Variants in CADM2 observed in about 807,000 individuals in gnomAD.
CADM2 encodes immunoglobulin superfamily member 4D.
A neutral mutation model predicts 49.8 loss-of-function variants in CADM2; 12 were observed. The observed-to-expected ratio is 0.24, with a 90% CI of 0.15 to 0.39. The LOEUF (loss-of-function observed/expected upper bound fraction) is 0.39. Ranked by LOEUF, CADM2 falls within the 10% of genes least tolerant of loss-of-function variation. The pLI is 1.00. For missense variants in CADM2, 378 were observed against 492.3 expected (o/e 0.77, Z 2.20); for synonymous variants, 214 against 175.4 (o/e 1.22, Z -1.74).
chr3:85,278,729 T>C (rs956964582), intron 1 of CADM2, among the ~76,000 whole-genome samples: 3 of 96,994 alleles, frequency 3.1e-5, no homozygotes, highest in African/African-American at 1.4e-4. Flanking sequence ...TGTGTGTGTG[T>C]GTGTGTGTGT....
At chr3:85,259,838 A>G (rs755225755) in intron 1 of CADM2, among the ~76,000 whole-genome samples, 2 of 152,124 alleles carry the variant, frequency 1.3e-5, no homozygotes, top group Admixed American at 6.6e-5. Context: ...TGGGTCTAAC[A>G]TAAGATGGAA....
At chr3:85,314,081 A>G (rs575546179) in intron 1 of CADM2, among the ~76,000 whole-genome samples, 83 of 152,008 alleles carry the variant, frequency 5.5e-4, no homozygotes, top group Non-Finnish European at 9.7e-4. Flanking sequence ...GTAGAGACGG[A>G]GTTTCACCGT....
At chr3:85,028,608 G>A (rs1314386826) in intron 1 of CADM2, among the ~76,000 whole-genome samples, 2 of 152,014 alleles carry the variant, frequency 1.3e-5, no homozygotes, top group Non-Finnish European at 2.9e-5. Context: ...CTCTGTTAAT[G>A]CAGGGAAAAT....
chr3:85,039,645 A>G (rs1024094956), intron 1 of CADM2, among the ~76,000 whole-genome samples: 3 of 152,186 alleles, frequency 2.0e-5, no homozygotes, highest in Non-Finnish European at 2.9e-5. Context: ...AGTCCCATGT[A>G]TACTATCTAT....
At chr3:85,337,215 C>A (rs1037548476) in intron 1 of CADM2, among the ~76,000 whole-genome samples, 1 of 150,214 alleles carries the variant, frequency 6.7e-6, no homozygotes, top group African/African-American at 2.4e-5. Context: ...CTTTAAACTC[C>A]AACTGAACCA....
At chr3:86,023,229 T>A (rs991688918) in intron 8 of CADM2, among the ~76,000 whole-genome samples, 10 of 152,224 alleles carry the variant, frequency 6.6e-5, no homozygotes, top group African/African-American at 2.2e-4. Flanking sequence ...TAAACAAATG[T>A]AACACAAGTA....
At chr3:84,980,697 G>A (rs940735936) in intron 1 of CADM2, among the ~76,000 whole-genome samples, 32 of 152,242 alleles carry the variant, frequency 2.1e-4, no homozygotes, top group African/African-American at 7.0e-4. Flanking sequence ...TCTTTGCTGC[G>A]TGACTTTAAA....
intron 6 of CADM2, among the ~76,000 whole-genome samples, chr3:85,913,677 C>T (rs951515162): frequency 6.6e-6 from 1 of 152,110 alleles, no homozygotes; most frequent in Non-Finnish European, 1.5e-5. Context: ...CACCAACAAA[C>T]TTCATTTCTC....
intron 1 of CADM2, among the ~76,000 whole-genome samples, chr3:85,150,711 T>A (rs1009867144): frequency 6.6e-6 from 1 of 151,242 alleles, no homozygotes; most frequent in African/African-American, 2.4e-5. Context: ...AAGAGCAGCC[T>A]GGCCAACATA....
intron 1 of CADM2, among the ~76,000 whole-genome samples, chr3:85,061,963 A>G (rs138577127): frequency 7.4e-4 from 113 of 151,678 alleles, no homozygotes; most frequent in Non-Finnish European, 5.9e-5. Context: ...ATTTCAAGAA[A>G]TATCAGTATC....
chr3:85,856,295 T>C (rs1044229064), intron 3 of CADM2, among the ~76,000 whole-genome samples: 1 of 152,202 alleles, frequency 6.6e-6, no homozygotes, highest in African/African-American at 2.4e-5. Context: ...CTATTTTATC[T>C]CTATTTAAGT....
intron 1 of CADM2, among the ~76,000 whole-genome samples, chr3:85,483,027 C>T (rs1183246292): frequency 6.6e-6 from 1 of 151,504 alleles, no homozygotes; most frequent in Non-Finnish European, 1.5e-5. Flanking sequence ...GACTAAAAAA[C>T]ACCCATAAAA....
At chr3:85,718,975 C>A (rs1210497366) in intron 1 of CADM2, among the ~76,000 whole-genome samples, 1 of 150,744 alleles carries the variant, frequency 6.6e-6, no homozygotes, top group Non-Finnish European at 1.5e-5. Context: ...TGCAGTGGCA[C>A]AATCTCAGTT....
chr3:85,395,797 C>T (rs953040255), intron 1 of CADM2, among the ~76,000 whole-genome samples: 2 of 151,704 alleles, frequency 1.3e-5, no homozygotes, highest in Non-Finnish European at 2.9e-5. Context: ...TTCTTGAGAA[C>T]TTTTAGAATT....
chr3:86,061,260 C>T (rs1235763676), intron 8 of CADM2, among the ~76,000 whole-genome samples: 1 of 151,590 alleles, frequency 6.6e-6, no homozygotes, highest in Non-Finnish European at 1.5e-5. Context: ...TTGATTCTTC[C>T]AAAATTTTTC....
intron 8 of CADM2, among the ~76,000 whole-genome samples, chr3:85,984,389 A>G (rs895675218): frequency 6.6e-6 from 1 of 151,572 alleles, no homozygotes; most frequent in Admixed American, 6.6e-5. Flanking sequence ...ATAATAAACC[A>G]TGTCATAATC....
chr3:84,989,132 G>T (rs1456588011), intron 1 of CADM2, among the ~76,000 whole-genome samples: 1 of 152,158 alleles, frequency 6.6e-6, no homozygotes, highest in Non-Finnish European at 1.5e-5. Context: ...ATATGAAAAA[G>T]AAGTGGGTGA....
At chr3:85,465,148 TCAAAACAAAA>T (rs72175865) in intron 1 of CADM2, among the ~76,000 whole-genome samples, 2 of 152,054 alleles carry the variant, frequency 1.3e-5, no homozygotes, top group Non-Finnish European at 2.9e-5. Context: ...AGACTCTGTC[TCAAAACAAAA>T]CAAAACAAAA....
At chr3:85,702,044 C>T (rs2066794645) in intron 1 of CADM2, among the ~76,000 whole-genome samples, 1 of 151,858 alleles carries the variant, frequency 6.6e-6, no homozygotes, top group African/African-American at 2.4e-5. Context: ...GATAGAAAAT[C>T]TTATCTCTAA....
Sources: gnomAD v4.1 joint callset for allele counts (sites outside exome capture counted in the v4.1 genomes callset) on GRCh38, gnomAD v4.1.1 for gene constraint, MANE v1.5 for transcripts, NCBI Gene and HGNC (gene_info 2026-07-23, HGNC 2026-07-21) for gene names.